The following PRKAR1B variants were observed in gnomAD, a reference collection of about 807,000 sequenced individuals.
PRKAR1B encodes cAMP-dependent protein kinase type I-beta regulatory subunit.
PRKAR1B carries 22 observed loss-of-function variants against 46.5 expected under a neutral mutation model. The observed-to-expected ratio is 0.47, with a 90% CI of 0.34 to 0.68. PRKAR1B has a LOEUF of 0.68. Among genes scored for constraint, PRKAR1B ranks in the 30% least tolerant of loss-of-function variants. The probability of loss-of-function intolerance (pLI) is 0.01; values close to 1 mark genes in which losing one functional copy is unlikely to be tolerated. For synonymous variants in PRKAR1B, 259 were observed against 217.7 expected, an observed-to-expected ratio of 1.19 and a Z score of -1.67; for missense variants, 445 against 535.6, an observed-to-expected ratio of 0.83 and a Z score of 1.67.
chr7:608,967 T>C lies in PRKAR1B; in HGVS notation c.441-1515A>G, dbSNP rs111435525. Among the ~76,000 whole-genome samples, 321 of 35,706 alleles carry C rather than the reference T, an allele frequency of 9.0e-3. 16 individuals carry two copies. Among genetic ancestry groups the C allele is most frequent in the African/African-American group, 0.019 (166 of 8,830 alleles). The allele number at this position is 35,706 out of a possible 152,430, so 23.4% of individuals were successfully genotyped here. ...GTAGGGAGGGCCGGGGGGCCTCCAC[T>C]GTCCTCCCACCTGGGGAGGGGTCAG... On this transcript the variant is annotated intron_variant, in intron 4 of 10. Coordinates refer to ENST00000537384, the MANE Select transcript of PRKAR1B (RefSeq NM_001164760.2).
At chr7:710,001 G>A (rs1583450513) in intron 2 of PRKAR1B, among the ~76,000 whole-genome samples, 6 of 152,306 alleles carry the variant, frequency 3.9e-5, no homozygotes, top group South Asian at 2.1e-4. Context: ...ACTACAGAGC[G>A]TTTTTATCTC....
intron 9 of PRKAR1B, among the ~76,000 whole-genome samples, chr7:575,708 G>C (rs1779778325): frequency 6.6e-6 from 1 of 152,070 alleles, no homozygotes; most frequent in African/African-American, 2.4e-5. Flanking sequence ...ACCACACCCA[G>C]CTAATTTTTT....
At chr7:646,760 G>A (rs1160395369) in intron 4 of PRKAR1B, among the ~76,000 whole-genome samples, 2 of 152,200 alleles carry the variant, frequency 1.3e-5, no homozygotes, top group Admixed American at 1.3e-4. Context: ...TACTGCACAG[G>A]TAATTAAGAC....
intron 4 of PRKAR1B, among the ~76,000 whole-genome samples, chr7:613,381 C>A (rs1452408334): frequency 2.6e-5 from 4 of 151,760 alleles, no homozygotes; most frequent in African/African-American, 9.7e-5. Context: ...AGACTTAAGG[C>A]TCTTAACATT....
intron 4 of PRKAR1B, among the ~76,000 whole-genome samples, chr7:611,362 T>TGGGCA (rs1782481839): frequency 6.6e-6 from 1 of 152,242 alleles, no homozygotes; most frequent in Admixed American, 6.5e-5. Flanking sequence ...CAGCTCTCTC[T>TGGGCA]GGGCAGGCGT....
At chr7:568,014 G>A (rs150239182) in intron 9 of PRKAR1B, among the ~76,000 whole-genome samples, 2 of 152,276 alleles carry the variant, frequency 1.3e-5, no homozygotes, top group Non-Finnish European at 2.9e-5. Flanking sequence ...CCTAGAAATG[G>A]TCATGATGGT....
intron 1 of PRKAR1B, among the ~76,000 whole-genome samples, chr7:723,011 T>C (rs1781126308): frequency 6.6e-6 from 1 of 152,172 alleles, no homozygotes; most frequent in Non-Finnish European, 1.5e-5. Context: ...GCTGCTCATT[T>C]CCCATGGGTG....
At position 551,364 on chromosome 7, in the gene PRKAR1B, G is replaced by A. The variant is rs936807665; in HGVS notation, c.973+25C>T. ...AAATGAGATGGCCACAGCCGTGCGAGGGAGGGGACGCCCACTGGACTCACC... is the reference window on the plus strand; with the variant it reads ...AAATGAGATGGCCACAGCCGTGCGAAGGAGGGGACGCCCACTGGACTCACC... On this transcript the variant is annotated intron_variant, in intron 10 of 10. Transcript: ENST00000537384. 5 of 1,548,450 alleles carry A rather than the reference G, an allele frequency of 3.2e-6. No individual in the cohort carries two copies. The Admixed American group carries it at 5.9e-5, about 18-fold the overall frequency.
At chr7:701,067 A>T (rs1300219207) in intron 2 of PRKAR1B, among the ~76,000 whole-genome samples, 1 of 152,048 alleles carries the variant, frequency 6.6e-6, no homozygotes, top group African/African-American at 2.4e-5. Flanking sequence ...GCGCATCTGC[A>T]ATCCCAGCTA....
At chr7:697,994 T>TGGAGGGGATGGGAGGGGAGGGAAGGGAGC (rs1779850484) in intron 2 of PRKAR1B, among the ~76,000 whole-genome samples, 1 of 15,484 alleles carries the variant, frequency 6.5e-5, no homozygotes, top group Admixed American at 7.9e-4. Flanking sequence ...CGGAGGGGAG[T>TGGAGGGGATGGGAGGGGAGGGAAGGGAGC]GGAGGGGAGG....
chr7:652,786 C>G (rs934943617), intron 4 of PRKAR1B, among the ~76,000 whole-genome samples: 27 of 152,210 alleles, frequency 1.8e-4, no homozygotes, highest in South Asian at 2.1e-4. Flanking sequence ...GCTCCAATAA[C>G]TGGTACTCGG....
At chr7:599,009 C>T (rs371487954) in intron 6 of PRKAR1B, among the ~76,000 whole-genome samples, 188 of 152,368 alleles carry the variant, frequency 1.2e-3, no homozygotes, top group African/African-American at 4.2e-3. Context: ...AGCGGGGATC[C>T]GTGGCTGCTG....
chr7:585,558 G>T (rs1000149461), intron 7 of PRKAR1B, among the ~76,000 whole-genome samples: 2 of 151,816 alleles, frequency 1.3e-5, no homozygotes, highest in Non-Finnish European at 2.9e-5. Flanking sequence ...TGCTAGTGAT[G>T]AGGTTTTTCC....
intron 7 of PRKAR1B, 41 bp downstream of exon 7, chr7:596,105 G>A (rs748047943): frequency 1.3e-6 from 2 of 1,589,988 alleles, no homozygotes; most frequent in Non-Finnish European, 1.7e-6. Flanking sequence ...GCCTGGCCAA[G>A]GGTGGGTGTT....
intron 9 of PRKAR1B, among the ~76,000 whole-genome samples, chr7:574,271 G>A (rs769493465): frequency 6.6e-6 from 1 of 152,268 alleles, no homozygotes; most frequent in Admixed American, 6.5e-5. Context: ...GCCCCCGAGT[G>A]CCTGCAGAGA....
chr7:592,242 C>T (rs977053383), intron 7 of PRKAR1B, among the ~76,000 whole-genome samples: 21 of 152,236 alleles, frequency 1.4e-4, no homozygotes, highest in Non-Finnish European at 2.5e-4. Context: ...TCCCGGCTGC[C>T]GTGGCCTCAC....
rs1491405215 is a variant in PRKAR1B at position 685,328 on chromosome 7, G to GTATA, written c.178-4606_178-4603dup. ...TATACGTATATATACGTATATATAC[G>GTATA]TATATATACGTATATATATGTATAC... On this transcript the variant is annotated intron_variant, in intron 2 of 10. Coordinates refer to ENST00000537384, the MANE Select transcript of PRKAR1B (RefSeq NM_001164760.2). Among the ~76,000 whole-genome samples the GTATA allele has an allele frequency of 2.7e-4, 13 of 48,276 alleles. 1 individual carries two copies. The highest frequency in any genetic ancestry group is 1.2e-3 in the African/African-American group (13 of 10,436). The allele number at this position is 48,276 out of a possible 152,430, so 31.7% of individuals were successfully genotyped here. A position where few individuals can be genotyped will look rare whatever the true frequency, so the allele number is the denominator to read the frequency against.
intron 3 of PRKAR1B, among the ~76,000 whole-genome samples, chr7:680,137 G>C (rs1327876792): frequency 4.1e-5 from 6 of 147,258 alleles, no homozygotes; most frequent in Non-Finnish European, 7.4e-5. Context: ...CAGCCTGGGG[G>C]ACGGAGCAAG....
intron 7 of PRKAR1B, among the ~76,000 whole-genome samples, chr7:588,861 G>A (rs1342165137): frequency 1.9e-5 from 1 of 53,286 alleles, no homozygotes; most frequent in Non-Finnish European, 3.9e-5. Context: ...GATGGTGATG[G>A]TGGTGATGTT....
Sources: gnomAD v4.1 joint callset for allele counts (sites outside exome capture counted in the v4.1 genomes callset) on GRCh38, gnomAD v4.1.1 for gene constraint, MANE v1.5 for transcripts, NCBI Gene and HGNC (gene_info 2026-07-23, HGNC 2026-07-21) for gene names.